Variants in SLCO1A2 observed in about 807,000 individuals in gnomAD.
The protein encoded by SLCO1A2 is OATP-1.
SLCO1A2 carries 67 observed loss-of-function variants against 69.0 expected under a neutral mutation model. That is an observed-to-expected ratio of 0.97 (90% CI 0.80 to 1.19). SLCO1A2 has a LOEUF of 1.19. SLCO1A2 is among the 50% of genes most tolerant of loss of function. The pLI, the probability that SLCO1A2 is intolerant of heterozygous loss-of-function variation, is 0.00. For synonymous variants in SLCO1A2, 260 were observed against 265.9 expected (o/e 0.98, Z 0.22); for missense variants, 787 against 793.7 (o/e 0.99, Z 0.10).
At chr12:21,344,258 A>G (rs1953179553) in intron 2 of SLCO1A2, among the ~76,000 whole-genome samples, 2 of 152,054 alleles carry the variant, frequency 1.3e-5, no homozygotes, top group African/African-American at 2.4e-5. Context: ...GCATAATAAG[A>G]AGCTGAGAGA....
chr12:21,270,486 G>C (rs1942612587), intron 14 of SLCO1A2, among the ~76,000 whole-genome samples: 1 of 151,526 alleles, frequency 6.6e-6, no homozygotes, highest in Non-Finnish European at 1.5e-5. Flanking sequence ...TGATTATTAA[G>C]ATAGTACTAG....
At chr12:21,361,888 G>C (rs907971900) in intron 2 of SLCO1A2, among the ~76,000 whole-genome samples, 1 of 152,132 alleles carries the variant, frequency 6.6e-6, no homozygotes, top group African/African-American at 2.4e-5. Flanking sequence ...AGAAATATGG[G>C]ACTATGTGAA....
intron 2 of SLCO1A2, among the ~76,000 whole-genome samples, chr12:21,332,480 T>C (rs567772391): frequency 6.6e-6 from 1 of 152,170 alleles, no homozygotes; most frequent in African/African-American, 2.4e-5. Context: ...TTAATGATGG[T>C]TGGTTATTCC....
intron 3 of SLCO1A2, 104 bp from the exon 4 acceptor site, chr12:21,314,785 T>A (rs1306203160): frequency 2.4e-6 from 2 of 823,208 alleles, no homozygotes; most frequent in African/African-American, 3.5e-5. Context: ...ATAACAACTA[T>A]CTTAAATACT....
rs551101897 is a variant in SLCO1A2, at chr12:21,331,512, A to C, written c.60+3076T>G. On this transcript the variant is annotated intron_variant, in intron 2 of 14. Transcript: ENST00000683939. ...CAAATCTGATGGGAGAAACACCAGA[A>C]CAACAAAAAACCCCAACAATATGAT... 2.6e-5 allele frequency among the ~76,000 whole-genome samples: 4 copies of C among 152,254 alleles called. No individual in the cohort carries two copies. In the East Asian group the frequency reaches 7.7e-4, roughly 29 times the overall value.
chr12:21,275,916 T>G (rs1321385187), intron 12 of SLCO1A2, among the ~76,000 whole-genome samples: 1 of 151,814 alleles, frequency 6.6e-6, no homozygotes, highest in African/African-American at 2.4e-5. Context: ...CACTCCAGCC[T>G]GGGTGATAGA....
chr12:21,402,314 G>T (rs1269379447), intron 1 of SLCO1A2, among the ~76,000 whole-genome samples: 3 of 151,938 alleles, frequency 2.0e-5, no homozygotes, highest in Non-Finnish European at 4.4e-5. Flanking sequence ...GAGAACTTCT[G>T]CAAATTGAAA....
intron 1 of SLCO1A2, among the ~76,000 whole-genome samples, chr12:21,405,055 G>A (rs1443056099): frequency 6.9e-6 from 1 of 145,176 alleles, no homozygotes. Flanking sequence ...GTCTGTTCAT[G>A]TCCTTGGGTC....
chr12:21,327,558 C>T (rs971092709), intron 2 of SLCO1A2, among the ~76,000 whole-genome samples: 1 of 152,182 alleles, frequency 6.6e-6, no homozygotes, highest in African/African-American at 2.4e-5. Context: ...TCCATGGGAA[C>T]CCACCTCTTG....
intron 3 of SLCO1A2, among the ~76,000 whole-genome samples, chr12:21,315,315 C>T (rs1409830887): frequency 1.3e-5 from 2 of 151,896 alleles, no homozygotes; most frequent in African/African-American, 4.8e-5. Flanking sequence ...ATAAAAATGG[C>T]AATGAAAAAT....
intron 2 of SLCO1A2, among the ~76,000 whole-genome samples, chr12:21,362,885 A>C (rs1391009552): frequency 6.6e-6 from 1 of 152,216 alleles, no homozygotes; most frequent in Non-Finnish European, 1.5e-5. Context: ...GAGCACCCAG[A>C]TTCATAAAGC....
intron 2 of SLCO1A2, among the ~76,000 whole-genome samples, chr12:21,330,659 G>T (rs912126598): frequency 5.9e-5 from 9 of 151,698 alleles, no homozygotes; most frequent in African/African-American, 2.2e-4. Context: ...AAAAGAAAAA[G>T]ATTATAGAAT....
chr12:21,289,817 G>A (rs955605521), intron 12 of SLCO1A2, among the ~76,000 whole-genome samples: 1 of 151,820 alleles, frequency 6.6e-6, no homozygotes, highest in African/African-American at 2.4e-5. Context: ...ATCTAAAGTG[G>A]GGGCAGTCTT....
At chr12:21,306,270 TATAAG>T (rs1213383712) in intron 5 of SLCO1A2, among the ~76,000 whole-genome samples, 1 of 152,142 alleles carries the variant, frequency 6.6e-6, no homozygotes, top group African/African-American at 2.4e-5. Context: ...AATCCATCCT[TATAAG>T]ATGTTTTCCT....
chr12:21,365,681 GAACTTA>G (rs1939319579), intron 2 of SLCO1A2, among the ~76,000 whole-genome samples: 2 of 151,886 alleles, frequency 1.3e-5, no homozygotes, highest in Non-Finnish European at 2.9e-5. Flanking sequence ...AATCTACAAA[GAACTTA>G]AACAAATTTA....
intron 11 of SLCO1A2, 95 bp downstream of exon 11, chr12:21,293,850 A>G: frequency 1.0e-6 from 1 of 992,348 alleles, no homozygotes; most frequent in Non-Finnish European, 1.4e-6. Context: ...GGTTTTGAGG[A>G]AACACTAATT....
chr12:21,306,408 C>T (rs1423005230), intron 5 of SLCO1A2, among the ~76,000 whole-genome samples: 1 of 152,054 alleles, frequency 6.6e-6, no homozygotes, highest in Non-Finnish European at 1.5e-5. Flanking sequence ...TCACTGCAAC[C>T]TCTGCCACCT....
At chr12:21,296,550 C>A (rs1227030296) in intron 9 of SLCO1A2, among the ~76,000 whole-genome samples, 9 of 152,058 alleles carry the variant, frequency 5.9e-5, no homozygotes, top group Admixed American at 4.6e-4. Context: ...GTTCAAGGTA[C>A]TTTAGAGAGT....
chr12:21,267,166 C>G lies in SLCO1A2; in HGVS notation c.*2382G>C, dbSNP rs1942155703. ...CTTTCTCTGACCTGCTTTCTCCCAC[C>G]AAGAAGTGTCAAAGGAGAACCCTAT... On this transcript the variant is annotated 3_prime_UTR_variant, in exon 15 of 15. Transcript: ENST00000683939. 3 of 152,118 alleles carry G rather than the reference C, an allele frequency of 2.0e-5. No homozygotes were observed. Among genetic ancestry groups the G allele is most frequent in the Admixed American group, 2.0e-4 (3 of 15,228 alleles). 9.4% of individuals were successfully genotyped at this position (152,118 alleles called of 1,614,324 possible).
Sources: allele counts gnomAD v4.1 joint callset (sites outside exome capture counted in the v4.1 genomes callset), GRCh38; gene constraint gnomAD v4.1.1; transcripts MANE v1.5; gene names NCBI Gene and HGNC (gene_info 2026-07-23, HGNC 2026-07-21).